RAPGEF5: variants seen among roughly 807,000 people sequenced by gnomAD.
The protein encoded by RAPGEF5 is Rap guanine nucleotide exchange factor 5.
Under a neutral mutation model 125.2 loss-of-function variants are expected in RAPGEF5, and 65 were observed. The ratio of observed to expected loss-of-function variants is 0.52; its 90% CI spans 0.43 to 0.64. The LOEUF (loss-of-function observed/expected upper bound fraction) is 0.64. RAPGEF5 is among the 30% of genes least tolerant of loss of function. The probability of loss-of-function intolerance (pLI) is 0.00; values close to 1 mark genes in which losing one functional copy is unlikely to be tolerated. For synonymous variants in RAPGEF5, 391 were observed against 385.9 expected (o/e 1.01, Z -0.16); for missense variants, 958 against 1,048.1 (o/e 0.91, Z 1.19).
chr7:22,231,043 G>T (rs1182366248), intron 7 of RAPGEF5, 124 bp from the exon 8 acceptor site: 1 of 912,316 alleles, frequency 1.1e-6, no homozygotes. Context: ...GTAAACATTG[G>T]CATTATTTTT....
At chr7:22,226,612 G>C (rs911307668) in intron 8 of RAPGEF5, among the ~76,000 whole-genome samples, 1 of 152,206 alleles carries the variant, frequency 6.6e-6, no homozygotes, top group Non-Finnish European at 1.5e-5. Context: ...AGCATCCACA[G>C]TGAGAAATGT....
At chr7:22,292,313 A>T (rs1216285721) in intron 5 of RAPGEF5, among the ~76,000 whole-genome samples, 1 of 152,330 alleles carries the variant, frequency 6.6e-6, no homozygotes. Flanking sequence ...GTTTCTGTAA[A>T]TGTTATTAAA....
intron 13 of RAPGEF5, among the ~76,000 whole-genome samples, chr7:22,161,578 AC>A (rs1562729147): frequency 6.7e-6 from 1 of 149,984 alleles, no homozygotes; most frequent in African/African-American, 2.5e-5. Context: ...ACACACACAC[AC>A]ACAATTCCAC....
At chr7:22,241,561 T>C (rs1048579276) in intron 7 of RAPGEF5, among the ~76,000 whole-genome samples, 2 of 152,234 alleles carry the variant, frequency 1.3e-5, no homozygotes, top group African/African-American at 2.4e-5. Flanking sequence ...TACAATTGTT[T>C]GTGAAATTAC....
chr7:22,321,006 A>G (rs1783704447), intron 1 of RAPGEF5, among the ~76,000 whole-genome samples: 1 of 152,150 alleles, frequency 6.6e-6, no homozygotes, highest in Non-Finnish European at 1.5e-5. Flanking sequence ...CCTTTATCCT[A>G]TGTATTTTAG....
intron 8 of RAPGEF5, among the ~76,000 whole-genome samples, chr7:22,223,179 A>G (rs556795959): frequency 1.3e-5 from 2 of 152,104 alleles, no homozygotes; most frequent in Non-Finnish European, 2.9e-5. Flanking sequence ...GATACTGGGA[A>G]GATAAGGAGT....
At chr7:22,178,110 C>A (rs998477838) in intron 11 of RAPGEF5, among the ~76,000 whole-genome samples, 2 of 151,820 alleles carry the variant, frequency 1.3e-5, no homozygotes, top group African/African-American at 4.8e-5. Context: ...AAAGGTAGAA[C>A]TGACAATCAC....
intron 1 of RAPGEF5, among the ~76,000 whole-genome samples, chr7:22,328,859 C>T (rs1388253392): frequency 2.0e-5 from 3 of 152,200 alleles, no homozygotes; most frequent in African/African-American, 4.8e-5. Context: ...CTAAGATGAA[C>T]AACAGGGCAA....
chr7:22,156,928 C>T, intron 15 of RAPGEF5, 40 bp from the exon 16 acceptor site: 1 of 1,611,378 alleles, frequency 6.2e-7, no homozygotes, highest in Non-Finnish European at 8.5e-7. Flanking sequence ...TGAATACATT[C>T]CTGCCCTTTG....
Position 22,268,632 on chromosome 7 carries a change from A to G in RAPGEF5, c.748-1620T>C, listed in dbSNP as rs78596794. 2.1e-4 allele frequency among the ~76,000 whole-genome samples: 32 copies of G among 152,294 alleles called. 1 individual carries two copies. The East Asian group carries it at 6.0e-3, about 28-fold the overall frequency. ...TTGTCAATGGTTTCTAGATTCTATG[A>G]TCTCCCAGGGAAAACCCCACTGTGG... On this transcript the variant is annotated intron_variant, in intron 6 of 25. Coordinates refer to ENST00000665637, the MANE Select transcript of RAPGEF5 (RefSeq NM_012294.5).
chr7:22,343,965 C>T (rs1238148648), intron 1 of RAPGEF5, among the ~76,000 whole-genome samples: 4 of 152,078 alleles, frequency 2.6e-5, no homozygotes, highest in Admixed American at 2.0e-4. Context: ...AATGCCAATT[C>T]CTCATATAAC....
chr7:22,179,107 CA>C (rs1268968192), intron 11 of RAPGEF5, among the ~76,000 whole-genome samples: 1 of 152,074 alleles, frequency 6.6e-6, no homozygotes, highest in African/African-American at 2.4e-5. Flanking sequence ...AGCCCAGTGG[CA>C]GAGACCAAGT....
chr7:22,130,877 C>A (rs1277765143), intron 24 of RAPGEF5, 160 bp downstream of exon 24: 6 of 991,552 alleles, frequency 6.1e-6, no homozygotes, highest in Non-Finnish European at 8.8e-6. Flanking sequence ...CAGCGTACAA[C>A]ATGCAGCAAA....
intron 7 of RAPGEF5, among the ~76,000 whole-genome samples, chr7:22,238,124 C>A (rs959775030): frequency 6.6e-6 from 1 of 152,190 alleles, no homozygotes. Context: ...CCTGGCAAGA[C>A]TGCACTGAGC....
At chr7:22,138,224 C>T (rs572922505) in intron 21 of RAPGEF5, among the ~76,000 whole-genome samples, 1 of 152,268 alleles carries the variant, frequency 6.6e-6, no homozygotes, top group African/African-American at 2.4e-5. Context: ...TGATCTACTC[C>T]AGAGATCAGC....
chr7:22,333,682 C>T (rs1012322070), intron 1 of RAPGEF5, among the ~76,000 whole-genome samples: 4 of 152,332 alleles, frequency 2.6e-5, no homozygotes, highest in African/African-American at 9.6e-5. Context: ...ACATCCAGGC[C>T]TGCATGACTT....
At chr7:22,298,412 C>T (rs1008634318) in intron 5 of RAPGEF5, among the ~76,000 whole-genome samples, 5 of 152,128 alleles carry the variant, frequency 3.3e-5, no homozygotes, top group African/African-American at 1.2e-4. Context: ...CTTCTGTCCT[C>T]ACGTGATCCG....
chr7:22,272,268 G>A lies in RAPGEF5; in HGVS notation c.748-5256C>T, dbSNP rs181821582. Among the ~76,000 whole-genome samples, 269 of 150,452 alleles carry A rather than the reference G, an allele frequency of 1.8e-3. 1 individual carries two copies. The highest frequency in any genetic ancestry group is 6.2e-3 in the African/African-American group (253 of 40,894). Reference sequence around the variant, plus strand: ...CTAGGCAGGAGAATCACTTGAACCCGGGAGGCGGAGGTTGCAGTGAGCTGA... The same window carrying A: ...CTAGGCAGGAGAATCACTTGAACCCAGGAGGCGGAGGTTGCAGTGAGCTGA... On this transcript the variant is annotated intron_variant, in intron 6 of 25. Coordinates refer to ENST00000665637, the MANE Select transcript of RAPGEF5 (RefSeq NM_012294.5).
intron 11 of RAPGEF5, among the ~76,000 whole-genome samples, chr7:22,187,113 A>C (rs1013917604): frequency 3.3e-5 from 5 of 152,202 alleles, no homozygotes; most frequent in African/African-American, 1.2e-4. Context: ...AGTAACATGA[A>C]GTTAGACCAA....
Sources: gnomAD v4.1 joint callset for allele counts (sites outside exome capture counted in the v4.1 genomes callset) on GRCh38, gnomAD v4.1.1 for gene constraint, MANE v1.5 for transcripts, NCBI Gene and HGNC (gene_info 2026-07-23, HGNC 2026-07-21) for gene names.